The following SNCG variants were observed in gnomAD, a reference collection of about 807,000 sequenced individuals.
The protein encoded by SNCG is gamma-synuclein.
In SNCG, 13 loss-of-function variants were observed where a neutral mutation model predicts 16.0. That is an observed-to-expected ratio of 0.81 (90% confidence interval 0.53 to 1.29). The LOEUF is 1.29. Ranked by LOEUF, SNCG falls within the 50% of genes most tolerant of loss-of-function variation. SNCG has a pLI of 0.00. For synonymous variants in SNCG, 66 were observed against 66.3 expected (o/e 1.00, Z 0.02); for missense variants, 154 against 168.5 (o/e 0.91, Z 0.48).
chr10:86,962,184 T>C (rs1844363857), intron 3 of SNCG, among the ~76,000 whole-genome samples: 1 of 152,120 alleles, frequency 6.6e-6, no homozygotes, highest in Non-Finnish European at 1.5e-5. Context: ...ATGCCAAGCC[T>C]CCCTGGCCTC....
chr10:86,957,048 G>T (rs1005941304), upstream of SNCG, among the ~76,000 whole-genome samples: 4 of 152,176 alleles, frequency 2.6e-5, no homozygotes, highest in African/African-American at 9.7e-5. Context: ...GGAAGAACAG[G>T]AGGCATAGCC....
chr10:86,956,398 T>C (rs1353990533), upstream of SNCG, among the ~76,000 whole-genome samples: 1 of 152,208 alleles, frequency 6.6e-6, no homozygotes, highest in Non-Finnish European at 1.5e-5. Context: ...CGCTCTGCGA[T>C]GGTGGCTCTC....
At chr10:86,958,497 T>TTCCCA, upstream of SNCG, 1 of 1,098,156 alleles carries the variant, frequency 9.1e-7, no homozygotes. Context: ...TGAACCTCCT[T>TTCCCA]CCCTCCCTCC....
At chr10:86,958,110 G>A, upstream of SNCG, 1 of 975,496 alleles carries the variant, frequency 1.0e-6, no homozygotes, top group East Asian at 1.1e-4. Flanking sequence ...CCGGTTTCAT[G>A]GCAGCCCAGG....
upstream of SNCG, among the ~76,000 whole-genome samples, chr10:86,956,507 G>A (rs905516258): frequency 3.3e-5 from 5 of 152,214 alleles, no homozygotes; most frequent in Admixed American, 3.3e-4. Flanking sequence ...GCAGGAGGGT[G>A]GAGGTAGGAG....
chr10:86,960,188 G>C (rs777580876), intron 3 of SNCG, 60 bp downstream of exon 3: 2 of 1,520,602 alleles, frequency 1.3e-6, no homozygotes, highest in Non-Finnish European at 1.8e-6. Flanking sequence ...GCTGCTGGGC[G>C]GAGGCGGCAT....
upstream of SNCG, chr10:86,958,261 G>T (rs1844270232): frequency 1.0e-6 from 1 of 977,274 alleles, no homozygotes; most frequent in Non-Finnish European, 1.2e-6. Context: ...TCCCCTCTCT[G>T]TGCCTGTCTG....
rs1844293199 is a variant in SNCG at position 86,959,182 on chromosome 10, C to T, written c.121+364C>T. On this transcript the variant is annotated intron_variant, in intron 1 of 4. Coordinates refer to ENST00000372017, the MANE Select transcript of SNCG (RefSeq NM_003087.3). This position sits in a 1 kb window ranked among gnomAD's most constrained non-coding sequence, Gnocchi z 4.3. Reference sequence around the variant, plus strand: ...CCTCTCCACACGGGAGCGGCTACAGCCAGGTCACGGATCCCCTCCCTCCCC... The same window carrying T: ...CCTCTCCACACGGGAGCGGCTACAGTCAGGTCACGGATCCCCTCCCTCCCC... Among the ~76,000 whole-genome samples the T allele has an allele frequency of 6.6e-6, 1 of 152,162 alleles. No homozygotes were observed. Among genetic ancestry groups the T allele is most frequent in the South Asian group, 2.1e-4 (1 of 4,826 alleles).
chr10:86,960,194 G>C (rs912470148), intron 3 of SNCG, 66 bp downstream of exon 3: 1 of 1,491,944 alleles, frequency 6.7e-7, no homozygotes, highest in African/African-American at 1.4e-5. Context: ...GGGCGGAGGC[G>C]GCATCACTCC....
intron 3 of SNCG, among the ~76,000 whole-genome samples, chr10:86,961,208 C>T (rs903224638): frequency 3.3e-5 from 5 of 152,136 alleles, no homozygotes; most frequent in African/African-American, 1.2e-4. Flanking sequence ...TGTCTGCTTC[C>T]AGGGCCAGCA....
chr10:86,962,922 G>T (rs541117897), intron 4 of SNCG, 43 bp from the exon 5 acceptor site: 3 of 1,585,148 alleles, frequency 1.9e-6, no homozygotes, highest in East Asian at 4.5e-5. Context: ...GCCCATTAAG[G>T]CTGGGGCCTG....
Position 86,959,729 on chromosome 10 carries a change from G to C in SNCG, c.163+55G>C. 1 of 1,500,522 alleles carries C rather than the reference G, an allele frequency of 6.7e-7. No homozygotes were observed. Among genetic ancestry groups the C allele is most frequent in the Non-Finnish European group, 9.0e-7 (1 of 1,105,078 alleles). The allele number at this position is 1,500,522 out of a possible 1,614,324, so 93.0% of individuals were successfully genotyped here. A position where few individuals can be genotyped will look rare whatever the true frequency, so the allele number is the denominator to read the frequency against. On this transcript the variant is annotated intron_variant, in intron 2 of 4. Coordinates refer to ENST00000372017, the MANE Select transcript of SNCG (RefSeq NM_003087.3). This position sits in a 1 kb window ranked among gnomAD's most constrained non-coding sequence, Gnocchi z 4.3. The stretch of plus-strand genomic sequence containing the variant: ...GGGGGATAGGACCCCTGGGGCTCCT[G>C]CATCCTAGTGCTGGGGCTCAAACCT...
At chr10:86,960,157 T>G (rs958786866) in intron 3 of SNCG, 29 bp downstream of exon 3, 1 of 1,593,864 alleles carries the variant, frequency 6.3e-7, no homozygotes, top group South Asian at 1.1e-5. Flanking sequence ...ACCTGCCCAG[T>G]CCTCTCCTGG....
rs1844309472 is a variant in SNCG, at chr10:86,959,840, AC to A, written c.164-156del. On this transcript the variant is annotated intron_variant, in intron 2 of 4. Coordinates refer to ENST00000372017, the MANE Select transcript of SNCG (RefSeq NM_003087.3). This position sits in a 1 kb window ranked among gnomAD's most constrained non-coding sequence, Gnocchi z 4.3. The stretch of plus-strand genomic sequence containing the variant: ...GCTAAACTAGGGTGGGCGTCTCCTT[AC>A]CCCCACCAGCATCAGAGGTGCCCTG... 1.5e-6 allele frequency: 2 copies of A among 1,326,998 alleles called. No individual in the cohort carries two copies. Among genetic ancestry groups the A allele is most frequent in the Admixed American group, 4.7e-5 (2 of 42,436 alleles). 82.2% of individuals were successfully genotyped at this position (1,326,998 alleles called of 1,614,324 possible).
At position 86,962,641 on chromosome 10, in the gene SNCG, A is replaced by T. The variant is rs9864; in HGVS notation, c.329A>T (p.Glu110Val). Residue 110 changes from glutamate to valine, a missense_variant, in exon 4 of 5, where the codon GAG becomes GTG. Physicochemically the swap from Glu to Val is moderately radical, Grantham distance 121. Transcript: ENST00000372017. ...CCATCTGCCCCCCAACAGGAGGGTG[A>T]GGCATCCAAAGAGAAAGAGGAAGTG... ...LRPSAPQQEG[E>V]ASKEKEEVAE... 380,526 of 1,610,028 alleles carry T rather than the reference A, an allele frequency of 0.24. 46,434 individuals carry two copies. Among genetic ancestry groups the T allele is most frequent in the South Asian group, 0.3 (26,972 of 90,596 alleles).
Position 86,962,590 on chromosome 10 carries a change from T to C in SNCG, c.292-14T>C. On this transcript the variant is annotated splice_polypyrimidine_tract_variant and intron_variant, in intron 3 of 4. Coordinates refer to ENST00000372017, the MANE Select transcript of SNCG (RefSeq NM_003087.3). ...TTCTCCACATGGTCTCATGCCCCCT[T>C]TTGTCCCCTACAGGAGGACTTGAGG... 2 of 1,603,248 alleles carry C rather than the reference T, an allele frequency of 1.2e-6. No individual in the cohort carries two copies. Among genetic ancestry groups the C allele is most frequent in the Non-Finnish European group, 1.7e-6 (2 of 1,172,146 alleles).
chr10:86,959,931 C>T lies in SNCG; in HGVS notation c.164-70C>T, dbSNP rs374904268. On this transcript the variant is annotated intron_variant, in intron 2 of 4. Transcript: ENST00000372017. The surrounding 1 kb of genome is among the most constrained non-coding windows in gnomAD (Gnocchi z 4.3). The stretch of plus-strand genomic sequence containing the variant: ...GCTCTGAGCTCCTGGGAAGGGGCTG[C>T]GAGCCTGACTCCAGCAGGCCTGCCT... The T allele has an allele frequency of 2.5e-4, 385 of 1,546,738 alleles. 1 individual carries two copies. The African/African-American group carries it at 3.2e-3, about 13-fold the overall frequency.
upstream of SNCG, chr10:86,957,607 CGTT>C: frequency 2.6e-6 from 4 of 1,511,178 alleles, no homozygotes; most frequent in South Asian, 3.8e-5. Context: ...CTGCTAGTGA[CGTT>C]GTCTTCAAGT....
upstream of SNCG, chr10:86,958,168 G>A (rs1462433240): frequency 2.1e-4 from 205 of 982,516 alleles, no homozygotes; most frequent in Non-Finnish European, 2.3e-4. Context: ...AGCCCAGGCC[G>A]CGGGAGGTTG....
Sources: gnomAD v4.1 joint callset for allele counts (sites outside exome capture counted in the v4.1 genomes callset) on GRCh38, gnomAD v4.1.1 for gene constraint, Gnocchi (gnomAD v3.1) non-coding constraint, MANE v1.5 for transcripts, NCBI Gene and HGNC (gene_info 2026-07-23, HGNC 2026-07-21) for gene names.